The following USP24 variants were observed in gnomAD, a reference collection of about 807,000 sequenced individuals.
USP24 encodes ubiquitin specific peptidase 24, also known as ubiquitin carboxyl-terminal hydrolase 24.
A neutral mutation model predicts 361.6 loss-of-function variants in USP24; 97 were observed. That is an observed-to-expected ratio of 0.27 (90% CI 0.23 to 0.32). The LOEUF is 0.32. USP24 is among the 10% of genes least tolerant of loss of function. The pLI, the probability that USP24 is intolerant of heterozygous loss-of-function variation, is 1.00. For synonymous variants in USP24, 1,098 were observed against 1,124.6 expected, an observed-to-expected ratio of 0.98 and a Z score of 0.47; for missense variants, 2,353 against 3,165.6, an observed-to-expected ratio of 0.74 and a Z score of 6.16.
intron 7 of USP24, among the ~76,000 whole-genome samples, chr1:55,165,288 A>T (rs1003511912): frequency 1.6e-4 from 25 of 152,140 alleles, no homozygotes; most frequent in Non-Finnish European, 3.1e-4. Context: ...ATGATTAATT[A>T]GAGAAAAGAA....
intron 1 of USP24, among the ~76,000 whole-genome samples, chr1:55,204,242 T>A (rs1455045957): frequency 6.6e-6 from 1 of 152,168 alleles, no homozygotes; most frequent in African/African-American, 2.4e-5. Context: ...TTATCAACAA[T>A]CATTAAGAGA....
In USP24 at chr1:55,142,979, C is replaced by T; in HGVS notation, c.2580G>A (p.Lys860=). 6.7e-7 allele frequency: 1 copy of T among 1,496,176 alleles called. No homozygotes were observed. The highest frequency in any genetic ancestry group is 9.0e-7 in the Non-Finnish European group (1 of 1,113,502). The allele number at this position is 1,496,176 out of a possible 1,614,324, so 92.7% of individuals were successfully genotyped here. The change falls in exon 22 of 68, where the codon AAG becomes AAA. Residue 860 remains lysine (K), a splice_region_variant and synonymous_variant. Coordinates refer to ENST00000294383, the MANE Select transcript of USP24 (RefSeq NM_015306.3). The part of the protein sequence containing the change: ...SYINLNPRLK[K]DSVSLHKKFI... The stretch of plus-strand genomic sequence containing the variant: ...ATAACTTCTTTCCTTAGATACCTAC[C>T]TTCTTTAATCTAGGATTTAGATTAA...
chr1:55,106,326 T>A, intron 40 of USP24, 63 bp from the exon 41 acceptor site: 1 of 1,308,800 alleles, frequency 7.6e-7, no homozygotes, highest in Non-Finnish European at 1.1e-6. Context: ...AGATCCTATC[T>A]TGCACTTTCT....
chr1:55,196,259 C>A (rs1002788245), intron 1 of USP24, among the ~76,000 whole-genome samples: 1 of 152,166 alleles, frequency 6.6e-6, no homozygotes, highest in African/African-American at 2.4e-5. Context: ...TCTCTAAACA[C>A]TGGAGCACCT....
At chr1:55,201,322 T>C (rs116831795) in intron 1 of USP24, among the ~76,000 whole-genome samples, 2,039 of 152,226 alleles carry the variant, frequency 0.013, 22 homozygotes, top group Middle Eastern at 0.027. Context: ...AGACTCAATT[T>C]AGGCTGGGCG....
At chr1:55,207,705 T>C (rs1415076081) in intron 1 of USP24, among the ~76,000 whole-genome samples, 1 of 152,146 alleles carries the variant, frequency 6.6e-6, no homozygotes, top group Non-Finnish European at 1.5e-5. Flanking sequence ...CATGGTGGGG[T>C]GGTATCCTGG....
intron 50 of USP24, among the ~76,000 whole-genome samples, chr1:55,096,244 C>T (rs1645493207): frequency 6.6e-6 from 1 of 152,194 alleles, no homozygotes; most frequent in Admixed American, 6.5e-5. Context: ...CTCATTTCAT[C>T]CTTTTAACTT....
Position 55,159,702 on chromosome 1 carries a change from C to T in USP24, c.994-17G>A, listed in dbSNP as rs754502233. Reference sequence around the variant, plus strand: ...TAGCATGGGCTGTAGAAATAAAATGCTACAGTTAAGAACTCCCGAAGCTGT... The same window carrying T: ...TAGCATGGGCTGTAGAAATAAAATGTTACAGTTAAGAACTCCCGAAGCTGT... On this transcript the variant is annotated splice_polypyrimidine_tract_variant and intron_variant, in intron 8 of 67. Coordinates refer to ENST00000294383, the MANE Select transcript of USP24 (RefSeq NM_015306.3). 17 of 1,550,684 alleles carry T rather than the reference C, an allele frequency of 1.1e-5. No individual in the cohort carries two copies. The South Asian group carries it at 1.5e-4, about 14-fold the overall frequency.
Position 55,165,896 on chromosome 1 carries a change from T to G in USP24, c.916A>C (p.Ile306Leu). The change falls in exon 7 of 68, where the codon ATA (isoleucine) becomes CTA (leucine). Residue 306 changes from isoleucine (I) to leucine (L), a missense_variant. This residue lies in a region of USP24 where 386 missense variants were observed against 560.5 expected (regional missense o/e 0.69). Coordinates refer to ENST00000294383, the MANE Select transcript of USP24 (RefSeq NM_015306.3). ...AIQAKLHSEDIELGAVSALIQ... is the reference protein window; with the variant it reads ...AIQAKLHSEDLELGAVSALIQ... ...GTAGTTTAACTTACCCCAAGTTCTA[T>G]ATCTTCTGAATGGAGCTTGGCTTGG... is the stretch of plus-strand genomic sequence containing the variant. 6.2e-7 allele frequency: 1 copy of G among 1,605,504 alleles called. No individual in the cohort carries two copies. The highest frequency in any genetic ancestry group is 8.5e-7 in the Non-Finnish European group (1 of 1,175,040).
intron 1 of USP24, among the ~76,000 whole-genome samples, chr1:55,200,945 G>A (rs1644555727): frequency 6.6e-6 from 1 of 152,146 alleles, no homozygotes. Flanking sequence ...CAAAGGAAGT[G>A]GTGCAGAATA....
chr1:55,107,841 C>CAAAAAAAAAAAAAAAA (rs777328294), intron 39 of USP24, among the ~76,000 whole-genome samples: 5 of 38,250 alleles, frequency 1.3e-4, no homozygotes, highest in African/African-American at 1.9e-4. Context: ...GACTCTGTCT[C>CAAAAAAAAAAAAAAAA]AAAAAAAAAA....
chr1:55,124,837 T>A (rs1156464133), intron 34 of USP24, among the ~76,000 whole-genome samples: 1 of 152,192 alleles, frequency 6.6e-6, no homozygotes, highest in East Asian at 1.9e-4. Flanking sequence ...TGCTGTGGCT[T>A]CAAAATACGC....
intron 62 of USP24, among the ~76,000 whole-genome samples, chr1:55,075,899 T>A (rs983493167): frequency 1.3e-5 from 2 of 151,920 alleles, no homozygotes; most frequent in African/African-American, 4.8e-5. Context: ...TGCCTAGGAC[T>A]TTGAGGCTAC....
chr1:55,125,602 A>G, intron 33 of USP24, 54 bp from the exon 34 acceptor site: 1 of 1,580,342 alleles, frequency 6.3e-7, no homozygotes, highest in Non-Finnish European at 8.6e-7. Context: ...ATTTAAAAAC[A>G]TGATTTGCGA....
intron 60 of USP24, 129 bp downstream of exon 60, chr1:55,079,409 A>G: frequency 7.8e-7 from 1 of 1,286,668 alleles, no homozygotes. Context: ...TCTTTTTGAC[A>G]TATAAGAAAA....
intron 58 of USP24, among the ~76,000 whole-genome samples, chr1:55,081,811 G>A (rs1645154673): frequency 6.6e-6 from 1 of 152,206 alleles, no homozygotes; most frequent in South Asian, 2.1e-4. Flanking sequence ...AAGGCTACCT[G>A]CCACCTCCCT....
intron 7 of USP24, 56 bp downstream of exon 7, chr1:55,165,829 C>T (rs578235577): frequency 3.4e-6 from 5 of 1,467,754 alleles, no homozygotes; most frequent in Admixed American, 3.8e-5. Context: ...TCTGGCTGTA[C>T]ACCAACTCAA....
rs369390895 is a variant in USP24 at position 55,138,745 on chromosome 1, A to G, written c.2818-27T>C. The stretch of plus-strand genomic sequence containing the variant: ...TTAAAAAACGAATAAGTCAAGTCAG[A>G]TGGACAGCACCACTGATAAACACAT... On this transcript the variant is annotated intron_variant, in intron 25 of 67. Transcript: ENST00000294383. 16 of 1,520,494 alleles carry G rather than the reference A, an allele frequency of 1.1e-5. No individual in the cohort carries two copies. In the African/African-American group the frequency reaches 1.9e-4, roughly 18 times the overall value. 94.2% of individuals were successfully genotyped at this position (1,520,494 alleles called of 1,614,324 possible).
At chr1:55,211,693 G>A (rs1644850282) in intron 1 of USP24, among the ~76,000 whole-genome samples, 2 of 152,126 alleles carry the variant, frequency 1.3e-5, no homozygotes, top group African/African-American at 2.4e-5. Flanking sequence ...TAAACACCAC[G>A]TTCTGTTCAA....
Sources: allele counts gnomAD v4.1 joint callset (sites outside exome capture counted in the v4.1 genomes callset), GRCh38; gene constraint gnomAD v4.1.1; regional missense constraint gnomAD v4.1.1; transcripts MANE v1.5; gene names NCBI Gene and HGNC (gene_info 2026-07-23, HGNC 2026-07-21).